Variants in RGS3 observed in about 807,000 individuals in gnomAD.
The protein encoded by RGS3 is regulator of G-protein signalling 3.
A neutral mutation model predicts 132.6 loss-of-function variants in RGS3; 80 were observed. The ratio of observed to expected loss-of-function variants is 0.60; its 90% CI spans 0.50 to 0.73. RGS3 has a LOEUF of 0.73. Among genes scored for constraint, RGS3 ranks in the 30% least tolerant of loss-of-function variants. The pLI is 0.00. For synonymous variants in RGS3, 598 were observed against 620.6 expected (o/e 0.96, Z 0.54); for missense variants, 1,382 against 1,530.8 (o/e 0.90, Z 1.62).
intron 19 of RGS3, chr9:113,541,941 A>G (rs1256866242): frequency 1.1e-6 from 1 of 878,336 alleles, no homozygotes; most frequent in Non-Finnish European, 1.4e-6. Context: ...CTGTGGAGAA[A>G]AAGTCGGATA....
chr9:113,556,431 A>G (rs750741637), intron 19 of RGS3, among the ~76,000 whole-genome samples: 5 of 152,240 alleles, frequency 3.3e-5, no homozygotes, highest in Non-Finnish European at 7.3e-5. Context: ...GCCTAACATT[A>G]AAGCGTGCTT....
At chr9:113,594,461 T>C in exon 22 of RGS3, 1 of 1,613,788 alleles carries the variant, frequency 6.2e-7, no homozygotes, top group Non-Finnish European at 8.5e-7. Flanking sequence ...GCTGGGGATC[T>C]TCAGACGGCG....
At chr9:113,492,561 C>G (rs1325178492) in intron 7 of RGS3, among the ~76,000 whole-genome samples, 1 of 152,206 alleles carries the variant, frequency 6.6e-6, no homozygotes, top group East Asian at 1.9e-4. Flanking sequence ...ATTTGTCAAG[C>G]CTTCACTAAG....
rs1192559082 is a variant in RGS3 at position 113,595,568 on chromosome 9, C to T, written c.3245-31C>T. 4 of 1,607,426 alleles carry T rather than the reference C, an allele frequency of 2.5e-6. No homozygotes were observed. In the African/African-American group the frequency reaches 5.3e-5, roughly 21 times the overall value. The stretch of plus-strand genomic sequence containing the variant: ...TTAAGGGCAGGAGAGGCTGAGTTTG[C>T]CTCTTACCCCAGGATCCGTTCTCCT... On this transcript the variant is annotated intron_variant, in intron 23 of 24. Transcript: ENST00000350696.
intron 20 of RGS3, among the ~76,000 whole-genome samples, chr9:113,587,367 G>A (rs1835170935): frequency 6.6e-6 from 1 of 152,326 alleles, no homozygotes; most frequent in East Asian, 1.9e-4. Flanking sequence ...GGCAAGAGGT[G>A]AAGAGGGGAG....
At chr9:113,508,953 G>A (rs2119337625) in intron 14 of RGS3, among the ~76,000 whole-genome samples, 1 of 152,200 alleles carries the variant, frequency 6.6e-6, no homozygotes, top group South Asian at 2.1e-4. Flanking sequence ...GAGGTGGGAG[G>A]TCTTGAGTTG....
intron 19 of RGS3, among the ~76,000 whole-genome samples, chr9:113,569,802 G>A (rs1320887008): frequency 6.6e-6 from 1 of 152,120 alleles, no homozygotes; most frequent in East Asian, 1.9e-4. Context: ...GGGTGGGGAG[G>A]GGGGTGCTGT....
At chr9:113,464,751 T>C (rs762880098) in intron 3 of RGS3, among the ~76,000 whole-genome samples, 34 of 152,348 alleles carry the variant, frequency 2.2e-4, no homozygotes, top group Non-Finnish European at 4.1e-4. Context: ...TGAACTTGCA[T>C]ACAATTTCCT....
At position 113,565,657 on chromosome 9, in the gene RGS3, G is replaced by T. The variant is rs889884095; in HGVS notation, c.2038-17793G>T. ...GGCCGCCCGCCTGCGGGAGGAGCCGGGTGGAAACCTGGGCGGGCGAGCTGG... is the reference window on the plus strand; with the variant it reads ...GGCCGCCCGCCTGCGGGAGGAGCCGTGTGGAAACCTGGGCGGGCGAGCTGG... On this transcript the variant is annotated intron_variant, in intron 19 of 24. Coordinates refer to ENST00000350696, the Ensembl canonical transcript of RGS3. This position sits in a 1 kb window ranked among gnomAD's most constrained non-coding sequence, Gnocchi z 5.7. The T allele has an allele frequency of 3.5e-6, 1 of 283,204 alleles. No individual in the cohort carries two copies. 17.5% of individuals were successfully genotyped at this position (283,204 alleles called of 1,614,324 possible).
chr9:113,517,293 G>A (rs1178555876), intron 15 of RGS3: 3 of 636,890 alleles, frequency 4.7e-6, no homozygotes, highest in Admixed American at 4.2e-5. Flanking sequence ...CTGTCAATGA[G>A]TGTAGCTCTC....
At chr9:113,580,206 C>T (rs757447321) in intron 19 of RGS3, among the ~76,000 whole-genome samples, 54 of 152,328 alleles carry the variant, frequency 3.5e-4, no homozygotes, top group Non-Finnish European at 4.9e-4. Flanking sequence ...CACCCAGGTG[C>T]GGGGCCTCAG....
chr9:113,451,682 G>GTTT (rs1211026839), intron 1 of RGS3, among the ~76,000 whole-genome samples: 1 of 142,568 alleles, frequency 7.0e-6, no homozygotes. Flanking sequence ...AGCTCTGGGT[G>GTTT]TTTTTTTTTT....
At chr9:113,513,207 C>CA (rs887255027) in intron 14 of RGS3, among the ~76,000 whole-genome samples, 5 of 152,140 alleles carry the variant, frequency 3.3e-5, no homozygotes, top group Non-Finnish European at 5.9e-5. Context: ...AACAAACAAA[C>CA]AAAAAAACAA....
In RGS3 at chr9:113,505,522, C is replaced by T. The variant is rs142637936; in HGVS notation, c.978C>T (p.Ser326=). The T allele has an allele frequency of 1.3e-4, 217 of 1,613,794 alleles. No individual in the cohort carries two copies. In the Middle Eastern group the frequency reaches 1.6e-3, roughly 12 times the overall value. Residue 326 remains serine (S), a splice_region_variant and synonymous_variant, in exon 11 of 25, where the codon TCC becomes TCT. Transcript: ENST00000350696. ...CAGTTCGAGTCCAGGCCGTGGATTCCGGTAAGTTATTGACAGGGGGATGCC... is the reference window on the plus strand; with the variant it reads ...CAGTTCGAGTCCAGGCCGTGGATTCTGGTAAGTTATTGACAGGGGGATGCC...
intron 21 of RGS3, chr9:113,593,934 G>T: frequency 6.2e-7 from 1 of 1,611,184 alleles, no homozygotes. Flanking sequence ...TAACGAGGAG[G>T]CCAGTCACAA....
chr9:113,513,308 C>T (rs573496419), intron 14 of RGS3, among the ~76,000 whole-genome samples: 102 of 152,138 alleles, frequency 6.7e-4, no homozygotes, highest in Middle Eastern at 6.8e-3. Context: ...CCCCACACCG[C>T]CGTTGCAGCC....
rs1833945825 is a variant in RGS3, at chr9:113,565,327, C to G, written c.2038-18123C>G. On this transcript the variant is annotated intron_variant, in intron 19 of 24. Coordinates refer to ENST00000350696, the Ensembl canonical transcript of RGS3. The surrounding 1 kb of genome is among the most constrained non-coding windows in gnomAD (Gnocchi z 5.7). ...GTTTAATGGAAGAAAGAAATCCAGC[C>G]TCTCTCCAGAGTGGCGGTGGCCGGC... 7.8e-7 allele frequency: 1 copy of G among 1,289,740 alleles called. No individual in the cohort carries two copies. Among genetic ancestry groups the G allele is most frequent in the Non-Finnish European group, 1.0e-6 (1 of 988,812 alleles). The allele number at this position is 1,289,740 out of a possible 1,614,324, so 79.9% of individuals were successfully genotyped here.
chr9:113,469,358 C>T (rs1162335436), intron 3 of RGS3, among the ~76,000 whole-genome samples: 1 of 152,114 alleles, frequency 6.6e-6, no homozygotes, highest in Non-Finnish European at 1.5e-5. Context: ...AACTGTTTCT[C>T]AGGAGCTCAT....
chr9:113,583,833 C>G (rs1322648221), exon 20 of RGS3: 11 of 1,614,020 alleles, frequency 6.8e-6, no homozygotes, highest in Admixed American at 1.7e-5. Context: ...AGGAATCCCC[C>G]ACCCGGGACC....
Sources: allele counts gnomAD v4.1 joint callset (sites outside exome capture counted in the v4.1 genomes callset), GRCh38; gene constraint gnomAD v4.1.1; non-coding constraint Gnocchi (gnomAD v3.1); transcripts MANE v1.5; gene names NCBI Gene and HGNC (gene_info 2026-07-23, HGNC 2026-07-21).